ZNF462: variants seen among roughly 807,000 people sequenced by gnomAD.
The protein encoded by ZNF462 is zinc finger PBX1-interacting protein.
A neutral mutation model predicts 201.9 loss-of-function variants in ZNF462; 10 were observed. The ratio of observed to expected loss-of-function variants is 0.05; its 90% confidence interval spans 0.03 to 0.08. The LOEUF (loss-of-function observed/expected upper bound fraction) is 0.08, where lower values mean the gene tolerates loss of function less well. Among genes scored for constraint, ZNF462 ranks in the 10% least tolerant of loss-of-function variants. The pLI, the probability that ZNF462 is intolerant of heterozygous loss-of-function variation, is 1.00. For missense variants in ZNF462, 2,523 were observed against 3,168.3 expected (o/e 0.80, Z 4.89); for synonymous variants, 1,227 against 1,193.3 (o/e 1.03, Z -0.58).
At chr9:106,864,216 ACCGGCCGGGTGGGGGGCG>A (rs1288421858) in intron 1 of ZNF462, among the ~76,000 whole-genome samples, 1 of 142,068 alleles carries the variant, frequency 7.0e-6, no homozygotes, top group Non-Finnish European at 1.5e-5. Context: ...AGCGGGGGGC[ACCGGCCGGGTGGGGGGCG>A]CAGGTTCAGG....
rs760689830 is a variant in ZNF462 at position 107,003,243 on chromosome 9, C to G, written c.7057-51C>G. ...GAAAGATCTCTCCATCAGGGAGAAC[C>G]CCATTTGGTCTGCGGTTTATTATTC... On this transcript the variant is annotated intron_variant, in intron 10 of 12. Coordinates refer to ENST00000277225, the MANE Select transcript of ZNF462 (RefSeq NM_021224.6). The surrounding 1 kb of genome is among the most constrained non-coding windows in gnomAD (Gnocchi z 4.4). 1 of 1,603,106 alleles carries G rather than the reference C, an allele frequency of 6.2e-7. No homozygotes were observed. The highest frequency in any genetic ancestry group is 1.7e-5 in the Admixed American group (1 of 58,674).
intron 10 of ZNF462, among the ~76,000 whole-genome samples, chr9:106,996,444 T>C (rs1210016331): frequency 6.6e-6 from 1 of 152,162 alleles, no homozygotes; most frequent in Non-Finnish European, 1.5e-5. Context: ...TGTAAAAGTG[T>C]TCCTATTTCT....
rs1025405842 is a variant in ZNF462, at chr9:107,009,763, C to A, written c.7313+95C>A. 22 of 1,539,960 alleles carry A rather than the reference C, an allele frequency of 1.4e-5. No homozygotes were observed. Among genetic ancestry groups the A allele is most frequent in the African/African-American group, 4.1e-5 (3 of 73,678 alleles). ...TTTGGTTCCCCTGACAGTATGTACA[C>A]CCCTCTGTGTCACATTTCTGGGCCG... On this transcript the variant is annotated intron_variant, in intron 12 of 12. Transcript: ENST00000277225. This position sits in a 1 kb window ranked among gnomAD's most constrained non-coding sequence, Gnocchi z 6.1.
rs181649145 is a variant in ZNF462 at position 106,932,573 on chromosome 9, A to G, written c.6116+24A>G. ...AAGTAAGTGCTATTGGGGGGTCACTAGTGGTTACTGGGAGATGATGTCATA... is the reference window on the plus strand; with the variant it reads ...AAGTAAGTGCTATTGGGGGGTCACTGGTGGTTACTGGGAGATGATGTCATA... On this transcript the variant is annotated intron_variant, in intron 5 of 12. Transcript: ENST00000277225. The surrounding 1 kb of genome is among the most constrained non-coding windows in gnomAD (Gnocchi z 6.8). 82 of 1,614,122 alleles carry G rather than the reference A, an allele frequency of 5.1e-5. No homozygotes were observed. The African/African-American group carries it at 1.0e-3, about 20-fold the overall frequency.
intron 7 of ZNF462, among the ~76,000 whole-genome samples, chr9:106,952,298 T>C (rs759528574): frequency 6.6e-6 from 1 of 152,208 alleles, no homozygotes; most frequent in Non-Finnish European, 1.5e-5. Context: ...ATTTCAAGGA[T>C]CAAATGAGAT....
Position 106,883,516 on chromosome 9 carries a change from G to T in ZNF462, c.-31+20161G>T, listed in dbSNP as rs554916323. Among the ~76,000 whole-genome samples the T allele has an allele frequency of 6.6e-6, 1 of 152,122 alleles. No homozygotes were observed. The highest frequency in any genetic ancestry group is 1.5e-5 in the Non-Finnish European group (1 of 68,016). Reference sequence around the variant, plus strand: ...GGAGTTGCATTTTCCCCAGAATACCGTATACATAAGGCCTGCGTCATTAGT... The same window carrying T: ...GGAGTTGCATTTTCCCCAGAATACCTTATACATAAGGCCTGCGTCATTAGT... On this transcript the variant is annotated intron_variant, in intron 1 of 12. Coordinates refer to ENST00000277225, the MANE Select transcript of ZNF462 (RefSeq NM_021224.6). This position sits in a 1 kb window ranked among gnomAD's most constrained non-coding sequence, Gnocchi z 4.9.
In ZNF462 at chr9:107,013,619, AT is replaced by A. The variant is rs1226371424; in HGVS notation, c.*2596del. On this transcript the variant is annotated 3_prime_UTR_variant, in exon 13 of 13. Transcript: ENST00000277225. The stretch of plus-strand genomic sequence containing the variant: ...ATGAAATGTGAGAAATTAATAAAGA[AT>A]TTTTTTCACATGTGTCTATGTGCAT... 3 of 152,114 alleles carry A rather than the reference AT, an allele frequency of 2.0e-5. No individual in the cohort carries two copies. Among genetic ancestry groups the A allele is most frequent in the East Asian group, 1.9e-4 (1 of 5,192 alleles). The allele number at this position is 152,114 out of a possible 1,614,324, so 9.4% of individuals were successfully genotyped here. A position where few individuals can be genotyped will look rare whatever the true frequency, so the allele number is the denominator to read the frequency against.
chr9:106,927,008 T>C lies in ZNF462; in HGVS notation c.3096T>C (p.Cys1032=), dbSNP rs572797922. 3 of 1,614,184 alleles carry C rather than the reference T, an allele frequency of 1.9e-6. No homozygotes were observed. In the African/African-American group the frequency reaches 4.0e-5, roughly 22 times the overall value. Residue 1032 remains cysteine, a synonymous_variant, in exon 3 of 13, where the codon TGT becomes TGC. Transcript: ENST00000277225. ...PLVNTVVVYD[C]DVCSFASPNM... ...TCAACACTGTTGTTGTTTATGATTG[T>C]GATGTTTGTTCGTTTGCAAGCCCCA... is the stretch of plus-strand genomic sequence containing the variant.
chr9:106,861,539 C>G (rs938349760), upstream of ZNF462, among the ~76,000 whole-genome samples: 9 of 152,350 alleles, frequency 5.9e-5, no homozygotes, highest in East Asian at 1.7e-3. Context: ...CTCTTTCTGC[C>G]CCGCGCGCTG....
At chr9:106,907,890 C>T (rs909493561) in intron 1 of ZNF462, among the ~76,000 whole-genome samples, 1 of 151,894 alleles carries the variant, frequency 6.6e-6, no homozygotes, top group Non-Finnish European at 1.5e-5. Flanking sequence ...TTACCAGATT[C>T]CATATTTAAA....
At position 106,926,483 on chromosome 9, in the gene ZNF462, T is replaced by C. The variant is rs1426033921; in HGVS notation, c.2571T>C (p.Ser857=). ...ACTTTAACAACAAATCTGCCCGGAG[T>C]GTTAGCACCCACTACCAACGAATGC... is the stretch of plus-strand genomic sequence containing the variant. ...HCDFNNKSAR[S]VSTHYQRMHP... The change falls in exon 3 of 13, where the codon AGT becomes AGC. Residue 857 remains serine, a synonymous_variant. Coordinates refer to ENST00000277225, the MANE Select transcript of ZNF462 (RefSeq NM_021224.6). This position sits in a 1 kb window ranked among gnomAD's most constrained non-coding sequence, Gnocchi z 7.9. 1 of 1,613,836 alleles carries C rather than the reference T, an allele frequency of 6.2e-7. No individual in the cohort carries two copies. The highest frequency in any genetic ancestry group is 1.7e-5 in the Admixed American group (1 of 59,998).
rs564558459 is a variant in ZNF462, at chr9:106,905,816, G to A, written c.-30-17538G>A. Among the ~76,000 whole-genome samples the A allele has an allele frequency of 7.9e-5, 12 of 152,258 alleles. No individual in the cohort carries two copies. The highest frequency in any genetic ancestry group is 2.1e-4 in the South Asian group (1 of 4,820). On this transcript the variant is annotated intron_variant, in intron 1 of 12. Transcript: ENST00000277225. This position sits in a 1 kb window ranked among gnomAD's most constrained non-coding sequence, Gnocchi z 5.9. ...GGCTTGAAAATTTCTCTGAGGCTAC[G>A]CACCTCCCAGCTGCGAGAAAAAAGA...
chr9:106,974,386 T>G lies in ZNF462; in HGVS notation c.6832+113T>G. ...AGCACCTGTGCCTTGTTCCTCACCT[T>G]ATCTTCAGGCAAGAAACCACAGTGA... On this transcript the variant is annotated intron_variant, in intron 9 of 12. Transcript: ENST00000277225. The surrounding 1 kb of genome is among the most constrained non-coding windows in gnomAD (Gnocchi z 4.0). The G allele has an allele frequency of 6.6e-7, 1 of 1,508,874 alleles. No individual in the cohort carries two copies. Among genetic ancestry groups the G allele is most frequent in the Non-Finnish European group, 9.2e-7 (1 of 1,085,536 alleles). The allele number at this position is 1,508,874 out of a possible 1,614,324, so 93.5% of individuals were successfully genotyped here. A position where few individuals can be genotyped will look rare whatever the true frequency, so the allele number is the denominator to read the frequency against.
intron 1 of ZNF462, among the ~76,000 whole-genome samples, chr9:106,892,675 C>T (rs902392605): frequency 1.3e-5 from 2 of 148,576 alleles, no homozygotes; most frequent in Non-Finnish European, 2.9e-5. Context: ...GAGGCATATA[C>T]TCACACACAC....
chr9:106,921,650 G>A (rs1829997001), intron 1 of ZNF462, among the ~76,000 whole-genome samples: 1 of 152,232 alleles, frequency 6.6e-6, no homozygotes. Context: ...GGGATGGGGA[G>A]TGCACACTGG....
rs1171353373 is a variant in ZNF462 at position 106,930,548 on chromosome 9, G to T, written c.5871G>T (p.Val1957=). The T allele has an allele frequency of 6.2e-7, 1 of 1,613,992 alleles. No individual in the cohort carries two copies. ...AGCCTTTTGGTCACTTAGAAGAGGT[G>T]CCAAAGATCAAGGAGAGGAAAGTGG... ...QERPFGHLEE[V]PKIKERKVVG... The change falls in exon 4 of 13, where the codon GTG becomes GTT. Residue 1957 remains valine (V), a synonymous_variant. Transcript: ENST00000277225. The surrounding 1 kb of genome is among the most constrained non-coding windows in gnomAD (Gnocchi z 5.8).
intron 1 of ZNF462, among the ~76,000 whole-genome samples, chr9:106,868,244 G>C (rs1435933807): frequency 6.6e-6 from 1 of 152,166 alleles, no homozygotes; most frequent in Non-Finnish European, 1.5e-5. Flanking sequence ...TCCTCTCCTT[G>C]TGTGATATGC....
intron 7 of ZNF462, among the ~76,000 whole-genome samples, chr9:106,943,055 C>CGTGTGTGTGTGTGTGTGTGT (rs771634911): frequency 2.5e-5 from 2 of 81,128 alleles, no homozygotes; most frequent in Admixed American, 2.3e-4. Flanking sequence ...TTGTTTTGCG[C>CGTGTGTGTGTGTGTGTGTGT]GCGCGTGTGT....
In ZNF462 at chr9:106,930,748, C is replaced by T. The variant is rs1195990189; in HGVS notation, c.6012+59C>T. The T allele has an allele frequency of 6.3e-7, 1 of 1,592,604 alleles. No homozygotes were observed. Among genetic ancestry groups the T allele is most frequent in the Non-Finnish European group, 8.6e-7 (1 of 1,165,366 alleles). ...GTGAGCGATTCGAGTTACTTATTAA[C>T]CCCATTGCCTAAAGCAGCTCAGGAA... On this transcript the variant is annotated intron_variant, in intron 4 of 12. Transcript: ENST00000277225. The surrounding 1 kb of genome is among the most constrained non-coding windows in gnomAD (Gnocchi z 5.8).
Sources: gnomAD v4.1 joint callset for allele counts (sites outside exome capture counted in the v4.1 genomes callset) on GRCh38, gnomAD v4.1.1 for gene constraint, Gnocchi (gnomAD v3.1) non-coding constraint, MANE v1.5 for transcripts, NCBI Gene and HGNC (gene_info 2026-07-23, HGNC 2026-07-21) for gene names.